The following CADM2 variants were observed in gnomAD, a reference collection of about 807,000 sequenced individuals.
The protein encoded by CADM2 is immunoglobulin superfamily member 4D.
CADM2 carries 12 observed loss-of-function variants against 49.8 expected under a neutral mutation model. The observed-to-expected ratio is 0.24, with a 90% CI of 0.15 to 0.39. The LOEUF (loss-of-function observed/expected upper bound fraction) is 0.39. Ranked by LOEUF, CADM2 falls within the 10% of genes least tolerant of loss-of-function variation. The pLI is 1.00. For missense variants in CADM2, 378 were observed against 492.3 expected (o/e 0.77, Z 2.20); for synonymous variants, 214 against 175.4 (o/e 1.22, Z -1.74).
intron 8 of CADM2, among the ~76,000 whole-genome samples, chr3:86,059,991 A>G (rs1174417104): frequency 6.6e-6 from 1 of 152,134 alleles, no homozygotes; most frequent in Non-Finnish European, 1.5e-5. Flanking sequence ...TTAAAATCCT[A>G]TGAAAATATG....
At chr3:85,287,514 C>T (rs2043663390) in intron 1 of CADM2, among the ~76,000 whole-genome samples, 1 of 152,018 alleles carries the variant, frequency 6.6e-6, no homozygotes, top group Non-Finnish European at 1.5e-5. Context: ...GATTTCTTCT[C>T]ATTCCCTTGT....
At chr3:85,783,226 C>A (rs1194211394) in intron 2 of CADM2, among the ~76,000 whole-genome samples, 1 of 152,128 alleles carries the variant, frequency 6.6e-6, no homozygotes, top group Non-Finnish European at 1.5e-5. Context: ...TAAGATAAAA[C>A]TCTTATGTAA....
At chr3:85,990,042 A>AAAAAG (rs1436572625) in intron 8 of CADM2, among the ~76,000 whole-genome samples, 2 of 108,032 alleles carry the variant, frequency 1.9e-5, no homozygotes, top group South Asian at 3.3e-4. Flanking sequence ...AAAAAAAAAA[A>AAAAAG]AAGAAGACTA....
intron 1 of CADM2, among the ~76,000 whole-genome samples, chr3:85,359,668 T>TATATATATATATATATATATATA (rs1559799260): frequency 1.3e-4 from 3 of 22,442 alleles, no homozygotes; most frequent in East Asian, 1.8e-3. Context: ...ATATATATAT[T>TATATATATATATATATATATATA]TTTTTTTTTG....
intron 1 of CADM2, among the ~76,000 whole-genome samples, chr3:85,190,558 TG>T (rs2041184908): frequency 6.6e-6 from 1 of 152,130 alleles, no homozygotes; most frequent in Admixed American, 6.6e-5. Context: ...AATTTGCCTA[TG>T]ACATTATATT....
intron 1 of CADM2, among the ~76,000 whole-genome samples, chr3:85,057,508 C>T (rs1252119814): frequency 6.6e-6 from 1 of 152,086 alleles, no homozygotes; most frequent in East Asian, 1.9e-4. Flanking sequence ...ATGTTAGTTA[C>T]TAACTTTGAT....
intron 1 of CADM2, among the ~76,000 whole-genome samples, chr3:85,475,889 A>G (rs866795015): frequency 9.9e-5 from 15 of 151,908 alleles, no homozygotes; most frequent in South Asian, 2.1e-4. Flanking sequence ...GATATACTTT[A>G]TTAATTTGCC....
chr3:85,552,366 G>GTGTTTTTTTTTTTTTTTTTTTTTT (rs2061828186), intron 1 of CADM2, among the ~76,000 whole-genome samples: 1 of 87,588 alleles, frequency 1.1e-5, no homozygotes, highest in African/African-American at 4.6e-5. Flanking sequence ...ACTTTGAAAA[G>GTGTTTTTTTTTTTTTTTTTTTTTT]TTTTTTTTTT....
At chr3:84,999,408 T>C (rs967479916) in intron 1 of CADM2, among the ~76,000 whole-genome samples, 7 of 152,270 alleles carry the variant, frequency 4.6e-5, no homozygotes, top group African/African-American at 1.7e-4. Flanking sequence ...GAGGTGTAAC[T>C]CTTGCCTGAA....
intron 1 of CADM2, among the ~76,000 whole-genome samples, chr3:85,414,831 A>C (rs1389344247): frequency 1.3e-5 from 2 of 152,062 alleles, no homozygotes; most frequent in African/African-American, 4.8e-5. Context: ...GTTATGCGGG[A>C]AGGGGTGGAG....
At chr3:85,450,936 T>G (rs1236209575) in intron 1 of CADM2, among the ~76,000 whole-genome samples, 15 of 152,056 alleles carry the variant, frequency 9.9e-5, no homozygotes, top group Non-Finnish European at 1.5e-5. Context: ...GTTAAACATA[T>G]CAAACTGGAA....
chr3:85,894,002 T>C (rs1714850467), intron 5 of CADM2, among the ~76,000 whole-genome samples: 1 of 152,226 alleles, frequency 6.6e-6, no homozygotes, highest in Admixed American at 6.5e-5. Context: ...ACTGGGTATA[T>C]ACCCAAAGGA....
Position 84,958,999 on chromosome 3 carries a change from C to G in CADM2, c.-609C>G, listed in dbSNP as rs1258587726. 2 of 187,872 alleles carry G rather than the reference C, an allele frequency of 1.1e-5. No homozygotes were observed. Among genetic ancestry groups the G allele is most frequent in the Admixed American group, 6.7e-5 (1 of 14,874 alleles). 11.6% of individuals were successfully genotyped at this position (187,872 alleles called of 1,614,324 possible). On this transcript the variant is annotated 5_prime_UTR_variant, in exon 1 of 10. Coordinates refer to ENST00000383699, the MANE Select transcript of CADM2 (RefSeq NM_001167675.2). ...TGTGTCTGGTGCTTCGTAGAGCTGCCGCCGTCGCCGCTGCCGCTGCCGCCA... is the reference window on the plus strand; with the variant it reads ...TGTGTCTGGTGCTTCGTAGAGCTGCGGCCGTCGCCGCTGCCGCTGCCGCCA...
rs139666588 is a variant in CADM2 at position 85,651,022 on chromosome 3, T to C, written c.62-75500T>C. On this transcript the variant is annotated intron_variant, in intron 1 of 9. Coordinates refer to ENST00000383699, the MANE Select transcript of CADM2 (RefSeq NM_001167675.2). ...ACCCCCAAAAACGTATTGAATGTGGTCCACCTAGGTCAAGTTCATGGTTTG... is the reference window on the plus strand; with the variant it reads ...ACCCCCAAAAACGTATTGAATGTGGCCCACCTAGGTCAAGTTCATGGTTTG... 6.4e-3 allele frequency among the ~76,000 whole-genome samples: 959 copies of C among 150,898 alleles called. 18 individuals are homozygous for C. The highest frequency in any genetic ancestry group is 0.023 in the African/African-American group (923 of 40,926).
chr3:85,648,806 T>G (rs1177476895), intron 1 of CADM2, among the ~76,000 whole-genome samples: 3 of 152,112 alleles, frequency 2.0e-5, no homozygotes, highest in Non-Finnish European at 2.9e-5. Flanking sequence ...ATTTAGCTTT[T>G]TTGAAAGCCA....
At chr3:85,769,468 A>C (rs551020303) in intron 2 of CADM2, among the ~76,000 whole-genome samples, 1 of 54,932 alleles carries the variant, frequency 1.8e-5, no homozygotes, top group Non-Finnish European at 2.8e-5. Context: ...ATACATATAT[A>C]GTATATATAC....
At chr3:85,212,606 C>G (rs2041804727) in intron 1 of CADM2, among the ~76,000 whole-genome samples, 1 of 151,912 alleles carries the variant, frequency 6.6e-6, no homozygotes, top group South Asian at 2.1e-4. Flanking sequence ...TCTCACACTT[C>G]TAAATTTTCT....
At chr3:85,914,913 A>G (rs1559739364) in intron 6 of CADM2, among the ~76,000 whole-genome samples, 1 of 152,196 alleles carries the variant, frequency 6.6e-6, no homozygotes, top group Non-Finnish European at 1.5e-5. Flanking sequence ...TTGCTATTAT[A>G]AAGACACAGT....
intron 1 of CADM2, among the ~76,000 whole-genome samples, chr3:85,138,703 C>T (rs1162881775): frequency 6.6e-6 from 1 of 151,940 alleles, no homozygotes; most frequent in African/African-American, 2.4e-5. Context: ...CTTTTGTCTC[C>T]ATAAGGGTAT....
Sources: allele counts gnomAD v4.1 joint callset (sites outside exome capture counted in the v4.1 genomes callset), GRCh38; gene constraint gnomAD v4.1.1; transcripts MANE v1.5; gene names NCBI Gene and HGNC (gene_info 2026-07-23, HGNC 2026-07-21).